Variants in MIGA2 observed in about 807,000 individuals in gnomAD.
The protein encoded by MIGA2 is family with sequence similarity 73, member B.
In MIGA2, 36 loss-of-function variants were observed where a neutral mutation model predicts 69.9. That is an observed-to-expected ratio of 0.52 (90% CI 0.39 to 0.68). The LOEUF (loss-of-function observed/expected upper bound fraction) is 0.68, where lower values mean the gene tolerates loss of function less well. MIGA2 is among the 30% of genes least tolerant of loss of function. The pLI is 0.00. For synonymous variants in MIGA2, 333 were observed against 349.2 expected (o/e 0.95, Z 0.52); for missense variants, 660 against 787.7 (o/e 0.84, Z 1.94).
chr9:129,041,964 C>T (rs1341615355), intron 2 of MIGA2, among the ~76,000 whole-genome samples: 1 of 152,180 alleles, frequency 6.6e-6, no homozygotes, highest in Non-Finnish European at 1.5e-5. Flanking sequence ...CTGGAAATGA[C>T]AGGGACTCAG....
intron 6 of MIGA2, among the ~76,000 whole-genome samples, chr9:129,058,306 G>A (rs1316255719): frequency 1.3e-5 from 2 of 151,444 alleles, no homozygotes; most frequent in Admixed American, 6.6e-5. Flanking sequence ...GGGAAGCAGA[G>A]ACGGAAGGAT....
At chr9:129,039,493 C>T (rs1844785744) in intron 1 of MIGA2, among the ~76,000 whole-genome samples, 1 of 152,088 alleles carries the variant, frequency 6.6e-6, no homozygotes, top group South Asian at 2.1e-4. Context: ...GATCCTCCCT[C>T]CTCGGCCTCC....
chr9:129,042,703 T>C (rs1467607670), intron 3 of MIGA2, among the ~76,000 whole-genome samples, 189 bp downstream of exon 3: 1 of 152,120 alleles, frequency 6.6e-6, no homozygotes, highest in African/African-American at 2.4e-5. Flanking sequence ...GGTGATGTGG[T>C]TGGATGCGCA....
chr9:129,068,492 A>T lies in MIGA2; in HGVS notation c.1404+160A>T. The T allele has an allele frequency of 1.0e-6, 1 of 981,600 alleles. No homozygotes were observed. Among genetic ancestry groups the T allele is most frequent in the Non-Finnish European group, 1.5e-6 (1 of 675,780 alleles). 60.8% of individuals were successfully genotyped at this position (981,600 alleles called of 1,614,324 possible). A position where few individuals can be genotyped will look rare whatever the true frequency, so the allele number is the denominator to read the frequency against. ...GGGAGACCAGAGTCTGCCCTGGAGA[A>T]GCCTCCAGGGTGCCCCGTTGCTGCC... is the stretch of plus-strand genomic sequence containing the variant. On this transcript the variant is annotated intron_variant, in intron 13 of 15. Coordinates refer to ENST00000684074, the MANE Select transcript of MIGA2 (RefSeq NM_001329990.2). The surrounding 1 kb of genome is among the most constrained non-coding windows in gnomAD (Gnocchi z 4.1).
intron 3 of MIGA2, among the ~76,000 whole-genome samples, chr9:129,043,526 A>G (rs1298493710): frequency 1.3e-5 from 2 of 151,420 alleles, no homozygotes; most frequent in Non-Finnish European, 2.9e-5. Flanking sequence ...AGCTGGGACT[A>G]CAGGCACGTG....
Position 129,063,405 on chromosome 9 carries a change from T to C in MIGA2, c.1083+89T>C, listed in dbSNP as rs187063560. On this transcript the variant is annotated intron_variant, in intron 10 of 15. Coordinates refer to ENST00000684074, the MANE Select transcript of MIGA2 (RefSeq NM_001329990.2). ...GTGTGGCATGTATGTGGCCTCCTGG[T>C]CCCTGGCCAGGCCTGCTCCCACACT... 1,817 of 1,557,188 alleles carry C rather than the reference T, an allele frequency of 1.2e-3. 15 individuals are homozygous for C. The African/African-American group carries it at 0.027, about 23-fold the overall frequency.
chr9:129,047,737 T>C (rs1845306117), intron 3 of MIGA2, among the ~76,000 whole-genome samples: 1 of 151,524 alleles, frequency 6.6e-6, no homozygotes, highest in South Asian at 2.1e-4. Flanking sequence ...TATATATATG[T>C]ATATATATTT....
chr9:129,040,772 T>C lies in MIGA2; in HGVS notation c.96+82T>C, dbSNP rs1354782871. ...AGGGCTCCTCCGTGTCCAGGAACGC[T>C]GAGCCCTCGTTCTTGCTTTGCCAAA... On this transcript the variant is annotated intron_variant, in intron 2 of 15. Transcript: ENST00000684074. 12 of 1,295,266 alleles carry C rather than the reference T, an allele frequency of 9.3e-6. No homozygotes were observed. The East Asian group carries it at 2.5e-4, about 27-fold the overall frequency. 80.2% of individuals were successfully genotyped at this position (1,295,266 alleles called of 1,614,324 possible).
At chr9:129,048,241 A>C (rs1222753168) in intron 3 of MIGA2, among the ~76,000 whole-genome samples, 186 bp from the exon 4 acceptor site, 1 of 152,226 alleles carries the variant, frequency 6.6e-6, no homozygotes, top group Non-Finnish European at 1.5e-5. Flanking sequence ...GGTCATGAGC[A>C]GGACATGGAG....
intron 3 of MIGA2, among the ~76,000 whole-genome samples, chr9:129,043,847 C>T (rs1401854181): frequency 1.3e-5 from 2 of 151,990 alleles, no homozygotes; most frequent in Non-Finnish European, 2.9e-5. Flanking sequence ...ACAACAGGTG[C>T]GTGCCACCAA....
rs538994478 is a variant in MIGA2 at position 129,063,485 on chromosome 9, G to A, written c.1084-60G>A. On this transcript the variant is annotated intron_variant, in intron 10 of 15. Coordinates refer to ENST00000684074, the MANE Select transcript of MIGA2 (RefSeq NM_001329990.2). Reference sequence around the variant, plus strand: ...CCTGGCCTCTTATGTGGCCCTCTCCGTGGGCTTTGAGGGACTGCCGTGCCC... The same window carrying A: ...CCTGGCCTCTTATGTGGCCCTCTCCATGGGCTTTGAGGGACTGCCGTGCCC... 9.1e-5 allele frequency: 146 copies of A among 1,597,626 alleles called. No individual in the cohort carries two copies. The South Asian group carries it at 1.2e-3, about 13-fold the overall frequency.
rs927619239 is a variant in MIGA2, at chr9:129,060,240, C to A, written c.794-310C>A. Among the ~76,000 whole-genome samples the A allele has an allele frequency of 6.6e-6, 1 of 152,194 alleles. No homozygotes were observed. The highest frequency in any genetic ancestry group is 1.5e-5 in the Non-Finnish European group (1 of 68,038). ...AGGTCCTCCCCCTGCAGAGCTTGGG[C>A]CTTCAGGCCTCAGGTCCAGCGGTGC... On this transcript the variant is annotated intron_variant, in intron 7 of 15. Transcript: ENST00000684074. This position sits in a 1 kb window ranked among gnomAD's most constrained non-coding sequence, Gnocchi z 4.8.
intron 6 of MIGA2, among the ~76,000 whole-genome samples, chr9:129,055,366 C>T (rs1845743005): frequency 1.3e-5 from 2 of 152,090 alleles, no homozygotes; most frequent in South Asian, 4.1e-4. Context: ...GTGTGAGCCG[C>T]TGTGCCCAGC....
chr9:129,050,097 A>C, intron 6 of MIGA2, 134 bp downstream of exon 6: 3 of 1,234,362 alleles, frequency 2.4e-6, no homozygotes, highest in Non-Finnish European at 3.3e-6. Context: ...GGGTGTCTTG[A>C]TGTGAAACAA....
chr9:129,067,298 A>C (rs1159006180), intron 11 of MIGA2, among the ~76,000 whole-genome samples: 2 of 152,226 alleles, frequency 1.3e-5, no homozygotes. Flanking sequence ...GTGTGCCGAG[A>C]GCCTCCGTGC....
intron 3 of MIGA2, among the ~76,000 whole-genome samples, chr9:129,043,415 C>G (rs1281215413): frequency 7.9e-6 from 1 of 127,372 alleles, no homozygotes; most frequent in African/African-American, 3.0e-5. Flanking sequence ...GAGATGGAGT[C>G]TTGCTCTGTC....
intron 1 of MIGA2, among the ~76,000 whole-genome samples, chr9:129,037,891 C>T (rs1844678043): frequency 6.6e-6 from 1 of 152,176 alleles, no homozygotes; most frequent in African/African-American, 2.4e-5. Flanking sequence ...AGGCAGGCTG[C>T]CTCATCTCAG....
intron 1 of MIGA2, 132 bp downstream of exon 1, chr9:129,036,813 TG>T: frequency 2.7e-6 from 1 of 369,250 alleles, no homozygotes; most frequent in Non-Finnish European, 3.9e-6. Context: ...TTGGAATGAG[TG>T]GGTACCCGGG....
chr9:129,048,667 C>T (rs929625554), intron 4 of MIGA2, 128 bp downstream of exon 4: 7 of 712,332 alleles, frequency 9.8e-6, no homozygotes, highest in South Asian at 6.9e-5. Context: ...CCTCCACCCA[C>T]GCGGGCTTTC....
Sources: gnomAD v4.1 joint callset for allele counts (sites outside exome capture counted in the v4.1 genomes callset) on GRCh38, gnomAD v4.1.1 for gene constraint, Gnocchi (gnomAD v3.1) non-coding constraint, MANE v1.5 for transcripts, NCBI Gene and HGNC (gene_info 2026-07-23, HGNC 2026-07-21) for gene names.